NXPE2: variants seen among roughly 807,000 people sequenced by gnomAD.
NXPE2 encodes neurexophilin and PC-esterase domain family member 2.
In NXPE2, 34 loss-of-function variants were observed where a neutral mutation model predicts 34.4. The observed-to-expected ratio is 0.99, with a 90% CI of 0.75 to 1.31. The LOEUF is 1.31. NXPE2 is among the 40% of genes most tolerant of loss of function. The probability of loss-of-function intolerance (pLI) is 0.00; values close to 1 mark genes in which losing one functional copy is unlikely to be tolerated. For synonymous variants in NXPE2, 235 were observed against 231.3 expected (o/e 1.02, Z -0.15); for missense variants, 649 against 672.5 (o/e 0.97, Z 0.39).
At chr11:114,566,547 G>A in the NXPE2 span, among the ~76,000 whole-genome samples, 1 of 152,312 alleles carries the variant, frequency 6.6e-6, no homozygotes, top group East Asian at 1.9e-4. Context: ...GCTGGCAGGA[G>A]CGATTTAGAA....
At chr11:114,721,402 TG>T in the NXPE2 span, among the ~76,000 whole-genome samples, 1 of 152,084 alleles carries the variant, frequency 6.6e-6, no homozygotes, top group East Asian at 1.9e-4. Flanking sequence ...TGATCATCCG[TG>T]TTGGTGGGTT....
chr11:114,658,005 TTA>T, the NXPE2 span, among the ~76,000 whole-genome samples: 1 of 152,236 alleles, frequency 6.6e-6, no homozygotes, highest in Non-Finnish European at 1.5e-5. Flanking sequence ...TAAGTTAGAA[TTA>T]TATTTCCTGG....
At chr11:114,793,700 C>T in the NXPE2 span, among the ~76,000 whole-genome samples, 38 of 151,984 alleles carry the variant, frequency 2.5e-4, no homozygotes, top group African/African-American at 9.2e-4. Flanking sequence ...AAATGAGGAG[C>T]GAAAGGCCAG....
the NXPE2 span, among the ~76,000 whole-genome samples, chr11:114,495,984 A>G: frequency 6.6e-6 from 1 of 152,148 alleles, no homozygotes; most frequent in South Asian, 2.1e-4. Flanking sequence ...GTTGGGAGAC[A>G]GATGACACAA....
chr11:114,782,869 C>T, the NXPE2 span, among the ~76,000 whole-genome samples: 22,475 of 152,194 alleles, frequency 0.15, 1,715 homozygotes, highest in Admixed American at 0.2. Context: ...GCGTTCCAGC[C>T]AACCCAGAGA....
At chr11:114,476,441 T>C in the NXPE2 span, among the ~76,000 whole-genome samples, 7 of 152,208 alleles carry the variant, frequency 4.6e-5, no homozygotes, top group Non-Finnish European at 7.3e-5. Context: ...TCTTATGTAT[T>C]TAAATTGAAA....
the NXPE2 span, among the ~76,000 whole-genome samples, chr11:114,609,734 G>A: frequency 6.6e-6 from 1 of 151,138 alleles, no homozygotes; most frequent in Admixed American, 6.6e-5. Context: ...ATTGCCTCAT[G>A]GATAACCACT....
the NXPE2 span, among the ~76,000 whole-genome samples, chr11:114,762,922 G>A: frequency 6.6e-6 from 1 of 151,924 alleles, no homozygotes; most frequent in Non-Finnish European, 1.5e-5. Flanking sequence ...TATTCATCGT[G>A]ACTTCAACAT....
the NXPE2 span, among the ~76,000 whole-genome samples, chr11:114,633,088 A>T: frequency 8.4e-6 from 1 of 118,650 alleles, no homozygotes; most frequent in Admixed American, 1.0e-4. Flanking sequence ...TTTATCTTTT[A>T]TGTATTTTAT....
the NXPE2 span, chr11:114,527,929 TA>T: frequency 6.4e-7 from 1 of 1,551,136 alleles, no homozygotes. Context: ...AACAATAAAT[TA>T]GCCTGCTCTC....
At chr11:114,743,846 CAT>C in the NXPE2 span, among the ~76,000 whole-genome samples, 2 of 150,286 alleles carry the variant, frequency 1.3e-5, no homozygotes, top group African/African-American at 2.4e-5. Flanking sequence ...TGTATATATA[CAT>C]ATGTGTGTAT....
At chr11:114,692,791 T>C (rs1005896945) in intron 2 of NXPE2, among the ~76,000 whole-genome samples, 2 of 152,174 alleles carry the variant, frequency 1.3e-5, no homozygotes, top group African/African-American at 2.4e-5. Context: ...CTATCTACTT[T>C]CTTTCCTTCT....
At chr11:114,488,800 T>C in the NXPE2 span, among the ~76,000 whole-genome samples, 23,019 of 151,942 alleles carry the variant, frequency 0.15, 1,953 homozygotes, top group South Asian at 0.23. Context: ...TTAAAAGAAC[T>C]AGAGAAGCAA....
chr11:114,528,320 C>T, the NXPE2 span, among the ~76,000 whole-genome samples: 1 of 152,170 alleles, frequency 6.6e-6, no homozygotes, highest in African/African-American at 2.4e-5. Flanking sequence ...ACTGCCAGAG[C>T]ACCCTTTCTC....
chr11:114,744,934 ATAGT>A, the NXPE2 span, among the ~76,000 whole-genome samples: 2 of 152,364 alleles, frequency 1.3e-5, no homozygotes, highest in East Asian at 1.9e-4. Context: ...GAATTTAAAA[ATAGT>A]TAATAAATAA....
At chr11:114,558,345 T>G in the NXPE2 span, among the ~76,000 whole-genome samples, 202 of 152,284 alleles carry the variant, frequency 1.3e-3, no homozygotes, top group African/African-American at 4.7e-3. Context: ...TAGGCACACA[T>G]AGAGAACAAA....
the NXPE2 span, among the ~76,000 whole-genome samples, chr11:114,798,093 T>TTA: frequency 1.4e-3 from 208 of 152,226 alleles, 1 homozygote; most frequent in Middle Eastern, 0.014. Flanking sequence ...TTTCCCTTAT[T>TTA]TATATATATA....
chr11:114,631,635 G>T, the NXPE2 span, among the ~76,000 whole-genome samples: 2 of 151,844 alleles, frequency 1.3e-5, no homozygotes, highest in Non-Finnish European at 2.9e-5. Context: ...TAACTAAACT[G>T]CACATTGTGC....
the NXPE2 span, chr11:114,530,582 C>G: frequency 6.2e-7 from 1 of 1,614,046 alleles, no homozygotes; most frequent in African/African-American, 1.3e-5. Context: ...GGGAGGACAT[C>G]CTGGCCCTCA....
Sources: allele counts gnomAD v4.1 joint callset (sites outside exome capture counted in the v4.1 genomes callset), GRCh38; gene constraint gnomAD v4.1.1; transcripts MANE v1.5; gene names NCBI Gene and HGNC (gene_info 2026-07-23, HGNC 2026-07-21).